The following C6orf89 variants were observed in gnomAD, a reference collection of about 807,000 sequenced individuals.
C6orf89 encodes bombesin receptor-activated protein C6orf89.
A neutral mutation model predicts 40.7 loss-of-function variants in C6orf89; 29 were observed. The observed-to-expected ratio is 0.71, with a 90% CI of 0.53 to 0.97. The LOEUF (loss-of-function observed/expected upper bound fraction) is 0.97. Among genes scored for constraint, C6orf89 ranks in the 50% least tolerant of loss-of-function variants. The pLI is 0.00. For synonymous variants in C6orf89, 165 were observed against 152.2 expected (o/e 1.08, Z -0.62); for missense variants, 392 against 429.1 (o/e 0.91, Z 0.76).
intron 1 of C6orf89, among the ~76,000 whole-genome samples, chr6:36,878,321 G>T (rs1774714327): frequency 6.6e-6 from 1 of 152,180 alleles, no homozygotes; most frequent in African/African-American, 2.4e-5. Context: ...TATAGCATTA[G>T]TCTGAACCCA....
chr6:36,915,115 A>G (rs909447922), intron 6 of C6orf89, among the ~76,000 whole-genome samples: 4 of 152,122 alleles, frequency 2.6e-5, no homozygotes, highest in Non-Finnish European at 5.9e-5. Context: ...TACAAATCCA[A>G]TGCTGGGATC....
chr6:36,893,045 C>T (rs113216608), intron 1 of C6orf89, among the ~76,000 whole-genome samples: 1,547 of 152,224 alleles, frequency 0.01, 26 homozygotes, highest in African/African-American at 0.035. Context: ...CGCCATTCTC[C>T]TGCCTCAGCC....
upstream of C6orf89, among the ~76,000 whole-genome samples, chr6:36,882,799 G>A (rs1401160931): frequency 4.2e-5 from 6 of 142,342 alleles, no homozygotes; most frequent in Non-Finnish European, 6.0e-5. Flanking sequence ...CTGCAGTGGC[G>A]CAATCTCGGC....
chr6:36,915,498 T>C (rs747462795), intron 6 of C6orf89, among the ~76,000 whole-genome samples: 2 of 151,922 alleles, frequency 1.3e-5, no homozygotes, highest in Non-Finnish European at 1.5e-5. Flanking sequence ...TCCCAACACT[T>C]TGGGAGTCTG....
At chr6:36,884,562 T>C (rs980782154), upstream of C6orf89, among the ~76,000 whole-genome samples, 4 of 152,146 alleles carry the variant, frequency 2.6e-5, no homozygotes, top group African/African-American at 9.7e-5. The surrounding 1 kb of genome is among the most constrained non-coding windows in gnomAD (Gnocchi z 4.0). Context: ...CTGAAAGAAA[T>C]GTGTGACCAT....
chr6:36,911,451 C>G (rs1015765197), intron 4 of C6orf89, among the ~76,000 whole-genome samples: 1 of 152,022 alleles, frequency 6.6e-6, no homozygotes, highest in Non-Finnish European at 1.5e-5. Context: ...GATCGCGCCA[C>G]TGCACTCCAG....
intron 7 of C6orf89, 23 bp downstream of exon 7, chr6:36,916,597 G>C (rs749458274): frequency 3.1e-6 from 5 of 1,612,278 alleles, no homozygotes; most frequent in Non-Finnish European, 4.2e-6. Context: ...GAGAGGACTT[G>C]GATCTAGAAT....
At chr6:36,900,141 C>T (rs1012389545) in intron 3 of C6orf89, among the ~76,000 whole-genome samples, 2 of 151,320 alleles carry the variant, frequency 1.3e-5, no homozygotes, top group African/African-American at 2.4e-5. Flanking sequence ...CCCACCTCAG[C>T]CTCCCAAAGT....
intron 1 of C6orf89, among the ~76,000 whole-genome samples, chr6:36,878,249 GTC>G (rs1167813515): frequency 6.6e-6 from 1 of 152,024 alleles, no homozygotes; most frequent in African/African-American, 2.4e-5. Flanking sequence ...TCTGGTTTTG[GTC>G]TCTCTATTCT....
At chr6:36,882,125 G>A (rs1423571195), upstream of C6orf89, among the ~76,000 whole-genome samples, 1 of 152,104 alleles carries the variant, frequency 6.6e-6, no homozygotes. Context: ...ATTGGATCTT[G>A]TTTGGAAAGC....
Position 36,899,462 on chromosome 6 carries a change from C to T in C6orf89, c.18C>T (p.Asn6=), listed in dbSNP as rs374490982. 13 of 1,613,948 alleles carry T rather than the reference C, an allele frequency of 8.1e-6. No individual in the cohort carries two copies. The highest frequency in any genetic ancestry group is 1.1e-5 in the South Asian group (1 of 91,076). ...TGGAAGACATGGATCTTGCTGCCAA[C>T]GAGATCAGCATTTATGACAAACTTT... The part of the protein sequence containing the change: MDLAA[N]EISIYDKLSE... The change falls in exon 3 of 9, where the codon AAC becomes AAT. Residue 6 remains asparagine (N), a synonymous_variant. Coordinates refer to ENST00000480824, the MANE Select transcript of C6orf89 (RefSeq NM_001286635.2).
chr6:36,885,838 C>T (rs1195039063), upstream of C6orf89: 4 of 436,376 alleles, frequency 9.2e-6, no homozygotes, highest in East Asian at 1.1e-4. Context: ...GCGCTCGCCA[C>T]GACACTGAGT....
rs1446597990 is a variant in C6orf89 at position 36,923,494 on chromosome 6, G to A, written c.*53G>A. 2.8e-6 allele frequency: 4 copies of A among 1,425,406 alleles called. No individual in the cohort carries two copies. In the Admixed American group the frequency reaches 5.1e-5, roughly 18 times the overall value. The allele number at this position is 1,425,406 out of a possible 1,614,324, so 88.3% of individuals were successfully genotyped here. A position where few individuals can be genotyped will look rare whatever the true frequency, so the allele number is the denominator to read the frequency against. On this transcript the variant is annotated 3_prime_UTR_variant, in exon 9 of 9. Coordinates refer to ENST00000480824, the MANE Select transcript of C6orf89 (RefSeq NM_001286635.2). Reference sequence around the variant, plus strand: ...TCCAGAGCCGAAAACCAGGTTGAAAGGGGAAAAATAAAAACAAAAACGATG... The same window carrying A: ...TCCAGAGCCGAAAACCAGGTTGAAAAGGGAAAAATAAAAACAAAAACGATG...
intron 1 of C6orf89, among the ~76,000 whole-genome samples, chr6:36,878,439 A>G (rs971658331): frequency 2.0e-5 from 3 of 152,184 alleles, no homozygotes; most frequent in African/African-American, 7.2e-5. Context: ...TCCATTCCTT[A>G]TCTGTAAAAT....
chr6:36,902,407 G>A lies in C6orf89; in HGVS notation c.376G>A (p.Gly126Arg). The A allele has an allele frequency of 5.0e-6, 8 of 1,614,144 alleles. No individual in the cohort carries two copies. Among genetic ancestry groups the A allele is most frequent in the Non-Finnish European group, 6.8e-6 (8 of 1,179,986 alleles). The change falls in exon 4 of 9, where the codon GGG (glycine) becomes AGG (arginine). Residue 126 changes from glycine to arginine, a missense_variant. Transcript: ENST00000480824. The part of the protein sequence containing the change: ...MSENKGVPLH[G>R]GDEDRPFPDF... ...AGAAAATAAGGGAGTTCCTCTGCAT[G>A]GGGGTGATGAAGACAGACCCTTTCC... is the stretch of plus-strand genomic sequence containing the variant.
intron 6 of C6orf89, among the ~76,000 whole-genome samples, chr6:36,915,729 G>A (rs9470433): frequency 0.014 from 2,053 of 151,806 alleles, 39 homozygotes; most frequent in African/African-American, 0.045. Context: ...GTTGGGGGAG[G>A]GGGAAAGAAA....
intron 4 of C6orf89, among the ~76,000 whole-genome samples, chr6:36,913,727 A>G (rs918344027): frequency 6.6e-6 from 1 of 152,178 alleles, no homozygotes; most frequent in Non-Finnish European, 1.5e-5. Context: ...GTTAAAAGAT[A>G]TTTTCCACAA....
chr6:36,911,735 G>T (rs868127949), intron 4 of C6orf89, among the ~76,000 whole-genome samples: 1 of 152,030 alleles, frequency 6.6e-6, no homozygotes, highest in Non-Finnish European at 1.5e-5. Context: ...ACGTTCCCTA[G>T]ATGAGCACTA....
In C6orf89 at chr6:36,926,592, A is replaced by G. The variant is rs1387074315; in HGVS notation, c.*3151A>G. On this transcript the variant is annotated 3_prime_UTR_variant, in exon 9 of 9. Transcript: ENST00000480824. ...GAGAAAAGAAGAGGGGAGGGGAGGGAAAGGGAAGGGAGGGGAGGGGAGGAG... is the reference window on the plus strand; with the variant it reads ...GAGAAAAGAAGAGGGGAGGGGAGGGGAAGGGAAGGGAGGGGAGGGGAGGAG... 4.3e-5 allele frequency: 3 copies of G among 70,420 alleles called. No individual in the cohort carries two copies. Among genetic ancestry groups the G allele is most frequent in the Admixed American group, 1.3e-4 (1 of 7,878 alleles). The allele number at this position is 70,420 out of a possible 1,614,324, so 4.4% of individuals were successfully genotyped here.
Sources: allele counts gnomAD v4.1 joint callset (sites outside exome capture counted in the v4.1 genomes callset), GRCh38; gene constraint gnomAD v4.1.1; non-coding constraint Gnocchi (gnomAD v3.1); transcripts MANE v1.5; gene names NCBI Gene and HGNC (gene_info 2026-07-23, HGNC 2026-07-21).